Variants in PDE11A observed in about 807,000 individuals in gnomAD.
PDE11A encodes phosphodiesterase 11A, also known as dual 3',5'-cyclic-AMP and -GMP phosphodiesterase 11A.
Under a neutral mutation model 100.5 loss-of-function variants are expected in PDE11A, and 100 were observed. The observed-to-expected ratio is 1.00, with a 90% CI of 0.85 to 1.18. The LOEUF (loss-of-function observed/expected upper bound fraction) is 1.18. PDE11A is among the 50% of genes most tolerant of loss of function. The probability of loss-of-function intolerance (pLI) is 0.00; values close to 1 mark genes in which losing one functional copy is unlikely to be tolerated. For synonymous variants in PDE11A, 381 were observed against 420.8 expected, an observed-to-expected ratio of 0.91 and a Z score of 1.16; for missense variants, 1,141 against 1,152.6, an observed-to-expected ratio of 0.99 and a Z score of 0.15.
chr2:177,747,976 G>A lies in PDE11A; in HGVS notation c.1789-19804C>T, dbSNP rs146256553. Among the ~76,000 whole-genome samples the A allele has an allele frequency of 1.3e-3, 197 of 152,150 alleles. 1 individual carries two copies. The highest frequency in any genetic ancestry group is 4.4e-3 in the African/African-American group (182 of 41,506). Reference sequence around the variant, plus strand: ...TACCATTTCCAGTCCAGACCCTCCCGATCCTCTAGTCCTTGCCAAGTCCCC... The same window carrying A: ...TACCATTTCCAGTCCAGACCCTCCCAATCCTCTAGTCCTTGCCAAGTCCCC... On this transcript the variant is annotated intron_variant, in intron 10 of 19. Coordinates refer to ENST00000286063, the MANE Select transcript of PDE11A (RefSeq NM_016953.4).
At chr2:177,897,142 A>G (rs941563131) in intron 4 of PDE11A, among the ~76,000 whole-genome samples, 2 of 152,078 alleles carry the variant, frequency 1.3e-5, no homozygotes, top group Admixed American at 6.5e-5. Flanking sequence ...ACATTCTGTC[A>G]GGTATTAAAG....
chr2:177,763,601 G>A (rs1372487150), intron 10 of PDE11A, among the ~76,000 whole-genome samples: 1 of 152,158 alleles, frequency 6.6e-6, no homozygotes, highest in African/African-American at 2.4e-5. Flanking sequence ...CTACCGATGG[G>A]GTGGGTAGTA....
chr2:177,634,965 C>T (rs2080017126), intron 19 of PDE11A, among the ~76,000 whole-genome samples: 2 of 152,182 alleles, frequency 1.3e-5, no homozygotes, highest in Admixed American at 1.3e-4. Flanking sequence ...TCTGATCACT[C>T]TCCATATACA....
At chr2:177,848,831 TG>T (rs1302611759) in intron 5 of PDE11A, among the ~76,000 whole-genome samples, 6 of 152,310 alleles carry the variant, frequency 3.9e-5, no homozygotes, top group African/African-American at 1.2e-4. Flanking sequence ...CATCTTTAAT[TG>T]TCTGAAAGTC....
At chr2:177,690,196 C>A (rs2081022468) in intron 15 of PDE11A, among the ~76,000 whole-genome samples, 1 of 151,092 alleles carries the variant, frequency 6.6e-6, no homozygotes, top group Non-Finnish European at 1.5e-5. Flanking sequence ...ATATTTCCTC[C>A]ATCAACCTAC....
At chr2:177,947,580 A>G (rs2085458919) in intron 2 of PDE11A, among the ~76,000 whole-genome samples, 1 of 151,840 alleles carries the variant, frequency 6.6e-6, no homozygotes, top group South Asian at 2.1e-4. Context: ...ATGCTCGTTA[A>G]GAGTCATCAC....
At chr2:177,643,591 T>C (rs1208190606) in intron 19 of PDE11A, among the ~76,000 whole-genome samples, 1 of 152,174 alleles carries the variant, frequency 6.6e-6, no homozygotes, top group East Asian at 1.9e-4. Context: ...GACAATGCAA[T>C]AGAAAAGAAA....
At chr2:177,672,791 A>G (rs1205105317) in intron 17 of PDE11A, among the ~76,000 whole-genome samples, 1 of 152,216 alleles carries the variant, frequency 6.6e-6, no homozygotes, top group African/African-American at 2.4e-5. Flanking sequence ...GTAGGGATGG[A>G]AGATAAAATT....
intron 1 of PDE11A, among the ~76,000 whole-genome samples, chr2:178,026,652 C>T (rs1280987494): frequency 4.1e-5 from 6 of 147,748 alleles, no homozygotes; most frequent in Non-Finnish European, 7.4e-5. Flanking sequence ...CAGAGCGAGA[C>T]TCTGTCTCAA....
chr2:177,774,959 A>C (rs2082358760), intron 9 of PDE11A, among the ~76,000 whole-genome samples: 1 of 152,174 alleles, frequency 6.6e-6, no homozygotes, highest in Non-Finnish European at 1.5e-5. Context: ...GCTTCATGTA[A>C]TCACAGGGGT....
At chr2:177,967,974 A>T (rs2105794569) in intron 2 of PDE11A, among the ~76,000 whole-genome samples, 1 of 152,356 alleles carries the variant, frequency 6.6e-6, no homozygotes, top group Non-Finnish European at 1.5e-5. Context: ...ATTGAGTCTG[A>T]AAGAGATTCA....
chr2:177,820,241 T>C lies in PDE11A; in HGVS notation c.1555A>G (p.Asn519Asp). 1.3e-6 allele frequency: 2 copies of C among 1,576,798 alleles called. No homozygotes were observed. The highest frequency in any genetic ancestry group is 8.7e-7 in the Non-Finnish European group (1 of 1,146,416). Reference protein sequence around the residue: ...IRSVLCVPIWNSNHQIIGVAQ... With the variant: ...IRSVLCVPIWDSNHQIIGVAQ... ...TTACCAATTATTTGGTGGTTGCTAT[T>C]CCAAATAGGGACACAAAGAACAGAT... is the stretch of plus-strand genomic sequence containing the variant. Residue 519 changes from asparagine to aspartate, a missense_variant, in exon 7 of 20, where the codon AAT becomes GAT. Asn to Asp is a conservative substitution (Grantham distance 23). Coordinates refer to ENST00000286063, the MANE Select transcript of PDE11A (RefSeq NM_016953.4).
intron 15 of PDE11A, among the ~76,000 whole-genome samples, chr2:177,685,483 T>C (rs192962518): frequency 2.6e-5 from 4 of 152,196 alleles, no homozygotes; most frequent in South Asian, 2.1e-4. Context: ...CATAACATCT[T>C]TGATGCAGAG....
chr2:177,720,835 G>A (rs1167923416), intron 12 of PDE11A, among the ~76,000 whole-genome samples: 1 of 152,138 alleles, frequency 6.6e-6, no homozygotes, highest in Non-Finnish European at 1.5e-5. Context: ...AAACCTTACA[G>A]TCTATATATA....
At chr2:177,790,017 T>C (rs1304418764) in intron 9 of PDE11A, among the ~76,000 whole-genome samples, 1 of 151,852 alleles carries the variant, frequency 6.6e-6, no homozygotes, top group Non-Finnish European at 1.5e-5. Context: ...AATGACTTTC[T>C]TCACAGAATT....
At chr2:178,069,974 A>G (rs2087103602) in intron 1 of PDE11A, among the ~76,000 whole-genome samples, 1 of 152,198 alleles carries the variant, frequency 6.6e-6, no homozygotes, top group South Asian at 2.1e-4. Context: ...ATTTTTCTTT[A>G]GCCCAAGCAT....
At chr2:177,970,626 C>T (rs538657710) in intron 2 of PDE11A, among the ~76,000 whole-genome samples, 95 of 151,934 alleles carry the variant, frequency 6.3e-4, no homozygotes, top group African/African-American at 2.2e-3. Flanking sequence ...ACCTGTGGGG[C>T]CTTGGAGCTT....
chr2:177,878,903 G>A (rs1283939700), intron 4 of PDE11A, among the ~76,000 whole-genome samples: 1 of 152,168 alleles, frequency 6.6e-6, no homozygotes, highest in East Asian at 1.9e-4. Flanking sequence ...GCCCAAATTT[G>A]AGTAAACACA....
At chr2:177,816,127 C>T (rs1349345509) in intron 9 of PDE11A, among the ~76,000 whole-genome samples, 1 of 152,072 alleles carries the variant, frequency 6.6e-6, no homozygotes, top group East Asian at 1.9e-4. Context: ...AGGAGAATTG[C>T]TTGAACCCGG....
Sources: gnomAD v4.1 joint callset for allele counts (sites outside exome capture counted in the v4.1 genomes callset) on GRCh38, gnomAD v4.1.1 for gene constraint, MANE v1.5 for transcripts, NCBI Gene and HGNC (gene_info 2026-07-23, HGNC 2026-07-21) for gene names.